SEZ6L: variants seen among roughly 807,000 people sequenced by gnomAD.
The protein encoded by SEZ6L is seizure related 6 homolog like, also known as seizure 6-like protein.
In SEZ6L, 37 loss-of-function variants were observed where a neutral mutation model predicts 106.2. The ratio of observed to expected loss-of-function variants is 0.35; its 90% CI spans 0.27 to 0.46. SEZ6L has a LOEUF of 0.46. Among genes scored for constraint, SEZ6L ranks in the 20% least tolerant of loss-of-function variants. The probability of loss-of-function intolerance (pLI) is 1.00; values close to 1 mark genes in which losing one functional copy is unlikely to be tolerated. For missense variants in SEZ6L, 1,172 were observed against 1,332.8 expected, an observed-to-expected ratio of 0.88 and a Z score of 1.88; for synonymous variants, 541 against 570.4, an observed-to-expected ratio of 0.95 and a Z score of 0.73.
Position 26,297,047 on chromosome 22 carries a change from G to A in SEZ6L, c.1129G>A (p.Asp377Asn), listed in dbSNP as rs142863810. 29 of 1,613,522 alleles carry A rather than the reference G, an allele frequency of 1.8e-5. No homozygotes were observed. Among genetic ancestry groups the A allele is most frequent in the Non-Finnish European group, 2.2e-5 (26 of 1,179,694 alleles). Reference sequence around the variant, plus strand: ...CGTCTACTTCCGGACCTTCCAGGACGACGGCCTTGGGACCTTCCAGCTTCA... The same window carrying A: ...CGTCTACTTCCGGACCTTCCAGGACAACGGCCTTGGGACCTTCCAGCTTCA... Reference protein sequence around the residue: ...ISVYFRTFQDDGLGTFQLHYQ... With the variant: ...ISVYFRTFQDNGLGTFQLHYQ... The change falls in exon 4 of 17, where the codon GAC becomes AAC. Residue 377 changes from aspartate (D) to asparagine (N), a missense_variant. By Grantham distance (23) the Asp-to-Asn change is conservative. Around this residue, in one of 4 missense-constraint regions of SEZ6L, gnomAD observed 534 missense variants for 691.0 expected, o/e 0.77. Transcript: ENST00000248933.
chr22:26,257,081 C>T (rs151149486), intron 1 of SEZ6L, among the ~76,000 whole-genome samples: 70 of 152,254 alleles, frequency 4.6e-4, no homozygotes, highest in African/African-American at 1.6e-3. Context: ...ACAACATCCC[C>T]ACAACAGGTG....
intron 15 of SEZ6L, 25 bp downstream of exon 15, chr22:26,375,714 C>A: frequency 6.4e-7 from 1 of 1,564,742 alleles, no homozygotes; most frequent in Non-Finnish European, 8.8e-7. Flanking sequence ...GGGGAGATGA[C>A]TGCCAAGCAC....
chr22:26,245,665 G>T (rs892651345), intron 1 of SEZ6L, among the ~76,000 whole-genome samples: 5 of 152,202 alleles, frequency 3.3e-5, no homozygotes, highest in African/African-American at 1.2e-4. Flanking sequence ...ATTAAAGAAT[G>T]CTGGCTCTTA....
chr22:26,307,718 G>A (rs1181358179), intron 6 of SEZ6L, among the ~76,000 whole-genome samples: 5 of 152,070 alleles, frequency 3.3e-5, no homozygotes, highest in Non-Finnish European at 5.9e-5. Flanking sequence ...TCTGGGCATG[G>A]GAACCCTTGG....
chr22:26,371,383 T>TC (rs1387219228), intron 13 of SEZ6L, among the ~76,000 whole-genome samples: 2 of 152,208 alleles, frequency 1.3e-5, no homozygotes, highest in Non-Finnish European at 2.9e-5. Context: ...GTGTAATATG[T>TC]CCATTTCTCC....
chr22:26,211,804 T>TAAAAAAAAAAAAA (rs56124325), intron 1 of SEZ6L, among the ~76,000 whole-genome samples: 2 of 48,090 alleles, frequency 4.2e-5, no homozygotes, highest in African/African-American at 8.6e-5. Context: ...ACCTCGTCTC[T>TAAAAAAAAAAAAA]AAAAAAAAAA....
At chr22:26,188,489 G>T (rs766973920) in intron 1 of SEZ6L, among the ~76,000 whole-genome samples, 1 of 152,184 alleles carries the variant, frequency 6.6e-6, no homozygotes, top group Non-Finnish European at 1.5e-5. Flanking sequence ...ATGGGAGCTG[G>T]ATTCCAAGAG....
intron 1 of SEZ6L, among the ~76,000 whole-genome samples, chr22:26,274,626 C>A (rs1311153650): frequency 6.6e-6 from 1 of 152,176 alleles, no homozygotes; most frequent in Non-Finnish European, 1.5e-5. Context: ...AGCCATCATA[C>A]CCAGCCATAA....
chr22:26,348,008 A>G, intron 11 of SEZ6L, 95 bp downstream of exon 11: 1 of 973,360 alleles, frequency 1.0e-6, no homozygotes. Flanking sequence ...TGTTTAATGT[A>G]GAATCTGGAC....
At chr22:26,246,667 T>C (rs1434330376) in intron 1 of SEZ6L, among the ~76,000 whole-genome samples, 2 of 152,212 alleles carry the variant, frequency 1.3e-5, no homozygotes, top group Admixed American at 1.3e-4. Flanking sequence ...ACAACATTTC[T>C]CCTGGGTGGT....
Position 26,313,989 on chromosome 22 carries a change from A to G in SEZ6L, c.2015+87A>G, listed in dbSNP as rs532217521. The stretch of plus-strand genomic sequence containing the variant: ...TGCTCCTGCTTTATTCTTTCAACCA[A>G]TATTAACTAAGCATCTACTATGTGC... On this transcript the variant is annotated intron_variant, in intron 9 of 16. Transcript: ENST00000248933. 1.3e-5 allele frequency: 18 copies of G among 1,367,126 alleles called. No homozygotes were observed. The South Asian group carries it at 1.7e-4, about 13-fold the overall frequency. 84.7% of individuals were successfully genotyped at this position (1,367,126 alleles called of 1,614,324 possible).
chr22:26,328,797 G>T (rs4822704), intron 9 of SEZ6L, among the ~76,000 whole-genome samples: 16,086 of 152,154 alleles, frequency 0.11, 1,283 homozygotes, highest in Admixed American at 0.27. Context: ...ATGGAGAAAA[G>T]GAAGAAAAGA....
At chr22:26,299,635 G>C (rs2081393389) in intron 5 of SEZ6L, among the ~76,000 whole-genome samples, 1 of 152,222 alleles carries the variant, frequency 6.6e-6, no homozygotes, top group Admixed American at 6.5e-5. Context: ...GTTCGTGTAT[G>C]TTGTAGCATG....
intron 13 of SEZ6L, among the ~76,000 whole-genome samples, chr22:26,371,669 G>GAA (rs11367707): frequency 0.019 from 2,781 of 147,798 alleles, 27 homozygotes; most frequent in African/African-American, 0.027. Flanking sequence ...ACAAAAAAAG[G>GAA]AAAAAAAAAA....
chr22:26,263,331 T>TC (rs2080077704), intron 1 of SEZ6L, among the ~76,000 whole-genome samples: 1 of 152,180 alleles, frequency 6.6e-6, no homozygotes, highest in African/African-American at 2.4e-5. Context: ...CCCCCACCCG[T>TC]CAGGGTGCAT....
chr22:26,333,943 T>C (rs2082567105), intron 9 of SEZ6L, among the ~76,000 whole-genome samples: 1 of 151,960 alleles, frequency 6.6e-6, no homozygotes, highest in Admixed American at 6.6e-5. Context: ...TTGGAAAGAC[T>C]GATGAGCAAT....
At chr22:26,284,997 A>T (rs1439803916) in intron 1 of SEZ6L, among the ~76,000 whole-genome samples, 1 of 152,156 alleles carries the variant, frequency 6.6e-6, no homozygotes, top group Non-Finnish European at 1.5e-5. Context: ...AGAGGGAATG[A>T]ACTCTATGGA....
Position 26,169,659 on chromosome 22 carries a change from C to T in SEZ6L, c.-11C>T, listed in dbSNP as rs1163643279. 1 of 1,217,874 alleles carries T rather than the reference C, an allele frequency of 8.2e-7. No individual in the cohort carries two copies. The highest frequency in any genetic ancestry group is 1.1e-6 in the Non-Finnish European group (1 of 936,568). 75.4% of individuals were successfully genotyped at this position (1,217,874 alleles called of 1,614,324 possible). A position where few individuals can be genotyped will look rare whatever the true frequency, so the allele number is the denominator to read the frequency against. ...CCCACAGCCAGCGGCTCCGCGCCCCCTGCAGCCACGATGCCCGCGGCCCGG... is the reference window on the plus strand; with the variant it reads ...CCCACAGCCAGCGGCTCCGCGCCCCTTGCAGCCACGATGCCCGCGGCCCGG... On this transcript the variant is annotated 5_prime_UTR_variant, in exon 1 of 17. Coordinates refer to ENST00000248933, the MANE Select transcript of SEZ6L (RefSeq NM_021115.5).
chr22:26,331,424 A>G (rs2082477181), intron 9 of SEZ6L, among the ~76,000 whole-genome samples: 1 of 152,182 alleles, frequency 6.6e-6, no homozygotes, highest in South Asian at 2.1e-4. Context: ...TCCCCAGCAA[A>G]CAGCCCCCTC....
Sources: gnomAD v4.1 joint callset for allele counts (sites outside exome capture counted in the v4.1 genomes callset) on GRCh38, gnomAD v4.1.1 for gene constraint, gnomAD v4.1.1 regional missense constraint, MANE v1.5 for transcripts, NCBI Gene and HGNC (gene_info 2026-07-23, HGNC 2026-07-21) for gene names.